The following ADD3 variants were observed in gnomAD, a reference collection of about 807,000 sequenced individuals.
The protein encoded by ADD3 is adducin 3, also known as gamma-adducin.
In ADD3, 25 loss-of-function variants were observed where a neutral mutation model predicts 80.2. That is an observed-to-expected ratio of 0.31 (90% CI 0.23 to 0.44). ADD3 has a LOEUF of 0.44. Ranked by LOEUF, ADD3 falls within the 20% of genes least tolerant of loss-of-function variation. The pLI is 1.00. For missense variants in ADD3, 829 were observed against 847.5 expected, an observed-to-expected ratio of 0.98 and a Z score of 0.27; for synonymous variants, 284 against 289.6, an observed-to-expected ratio of 0.98 and a Z score of 0.20.
At chr10:110,103,454 G>A (rs1471370972) in intron 2 of ADD3, among the ~76,000 whole-genome samples, 1 of 152,184 alleles carries the variant, frequency 6.6e-6, no homozygotes, top group African/African-American at 2.4e-5. Flanking sequence ...CACTCACATG[G>A]CTGTTGGCAA....
chr10:110,114,346 CAAAATT>C (rs950848339), intron 3 of ADD3, among the ~76,000 whole-genome samples: 4 of 152,214 alleles, frequency 2.6e-5, no homozygotes, highest in African/African-American at 7.2e-5. Flanking sequence ...CAAAACATCT[CAAAATT>C]AAAAGGTTTT....
intron 1 of ADD3, among the ~76,000 whole-genome samples, chr10:110,079,595 A>G (rs3932612): frequency 0.6 from 90,429 of 150,880 alleles, 30,537 homozygotes; most frequent in African/African-American, 0.89. Context: ...TTACTCTGTC[A>G]CCTAGGTTGG....
At chr10:110,028,669 G>A (rs985267863) in intron 1 of ADD3, among the ~76,000 whole-genome samples, 1 of 152,158 alleles carries the variant, frequency 6.6e-6, no homozygotes, top group Non-Finnish European at 1.5e-5. Flanking sequence ...TTTTAATTCA[G>A]TACTTTTATC....
At chr10:110,057,723 C>T (rs369441528) in intron 1 of ADD3, among the ~76,000 whole-genome samples, 6 of 151,970 alleles carry the variant, frequency 3.9e-5, no homozygotes, top group East Asian at 3.8e-4. Flanking sequence ...CCACTGAGAC[C>T]CCAGCATGTA....
In ADD3 at chr10:110,075,959, T is replaced by C. The variant is rs556847520; in HGVS notation, c.-29-24666T>C. Among the ~76,000 whole-genome samples, 328 of 152,314 alleles carry C rather than the reference T, an allele frequency of 2.2e-3. 2 individuals carry two copies. Among genetic ancestry groups the C allele is most frequent in the Non-Finnish European group, 3.6e-3 (244 of 68,028 alleles). ...TAGGCCATCTCTCAAAATATTGAAA[T>C]GTTCAATACTCCAGACTGAATTATT... is the stretch of plus-strand genomic sequence containing the variant. On this transcript the variant is annotated intron_variant, in intron 1 of 14. Transcript: ENST00000356080.
At chr10:110,066,522 C>A (rs915728773) in intron 1 of ADD3, among the ~76,000 whole-genome samples, 1 of 152,106 alleles carries the variant, frequency 6.6e-6, no homozygotes, top group South Asian at 2.1e-4. Flanking sequence ...TGTGAGCCAC[C>A]GTGCCTGGCC....
At chr10:110,048,168 C>G (rs1480176074) in intron 1 of ADD3, among the ~76,000 whole-genome samples, 2 of 152,194 alleles carry the variant, frequency 1.3e-5, no homozygotes, top group Non-Finnish European at 2.9e-5. Flanking sequence ...TGATCATTCT[C>G]TCTTGTCTGC....
At chr10:110,008,891 A>G (rs1053440854) in intron 1 of ADD3, among the ~76,000 whole-genome samples, 6 of 152,168 alleles carry the variant, frequency 3.9e-5, no homozygotes, top group Non-Finnish European at 4.4e-5. Context: ...AAACGTATAC[A>G]TGTTAGGTTG....
At position 109,998,837 on chromosome 10, in the gene ADD3, C is replaced by T. The variant is rs371434440; in HGVS notation, n.79+2391C>T. On this transcript the variant is annotated intron_variant and non_coding_transcript_variant, in intron 1 of 5. Transcript: ENST00000468251. The stretch of plus-strand genomic sequence containing the variant: ...TTCATCCATCCTAACTAAAGCAGTA[C>T]CCCTCCCCCACCCTAGTCATTGTCA... Among the ~76,000 whole-genome samples the T allele has an allele frequency of 9.3e-4, 142 of 152,170 alleles. 3 individuals are homozygous for T. The South Asian group carries it at 0.025, about 27-fold the overall frequency.
intron 1 of ADD3, among the ~76,000 whole-genome samples, chr10:110,070,644 A>G (rs1013948338): frequency 6.6e-6 from 1 of 152,174 alleles, no homozygotes; most frequent in Admixed American, 6.5e-5. Flanking sequence ...ACCTTCTATC[A>G]TGCCACTGAG....
At chr10:109,997,080 C>G (rs1851394974) in intron 1 of ADD3, among the ~76,000 whole-genome samples, 3 of 152,176 alleles carry the variant, frequency 2.0e-5, no homozygotes, top group Admixed American at 2.0e-4. Context: ...AAGAATAAGG[C>G]ACAGAGCTCA....
chr10:110,050,102 C>G lies in ADD3; in HGVS notation c.-30+41803C>G, dbSNP rs374098304. ...GTCTTGTCTCAGAAGAGACTTTGGA[C>G]TGTGGACTTTGAGTTAATGCTGAAA... is the stretch of plus-strand genomic sequence containing the variant. On this transcript the variant is annotated intron_variant, in intron 1 of 14. Coordinates refer to ENST00000356080, the MANE Select transcript of ADD3 (RefSeq NM_016824.5). Among the ~76,000 whole-genome samples, 14 of 152,196 alleles carry G rather than the reference C, an allele frequency of 9.2e-5. No homozygotes were observed. In the South Asian group the frequency reaches 2.1e-3, roughly 23 times the overall value.
chr10:110,063,864 C>T (rs1405062312), intron 1 of ADD3, among the ~76,000 whole-genome samples: 1 of 147,750 alleles, frequency 6.8e-6, no homozygotes, highest in Non-Finnish European at 1.5e-5. Flanking sequence ...AGGCATTTCT[C>T]CTCTCTCTGC....
chr10:110,062,407 T>TC (rs1278917719), intron 1 of ADD3, among the ~76,000 whole-genome samples: 1 of 126,552 alleles, frequency 7.9e-6, no homozygotes, highest in East Asian at 2.1e-4. Context: ...AGAGTGAAAC[T>TC]CCATCTCAAA....
intron 11 of ADD3, 91 bp from the exon 12 acceptor site, chr10:110,126,326 G>A: frequency 1.0e-6 from 1 of 962,042 alleles, no homozygotes; most frequent in South Asian, 1.4e-5. Flanking sequence ...CTCTGGAAAT[G>A]TCAAGTAGTA....
chr10:110,132,904 G>A (rs540400650), intron 14 of ADD3, among the ~76,000 whole-genome samples: 43 of 128,948 alleles, frequency 3.3e-4, no homozygotes, highest in African/African-American at 1.1e-3. Context: ...CGGCCTGGGC[G>A]ACAGAGTGAG....
intron 1 of ADD3, among the ~76,000 whole-genome samples, chr10:110,053,020 A>C (rs1044373568): frequency 2.0e-5 from 3 of 152,240 alleles, no homozygotes; most frequent in Admixed American, 6.5e-5. Context: ...ACAAACAAAC[A>C]AACACATGGG....
At chr10:110,130,598 G>C (rs1225343221) in intron 13 of ADD3, 112 bp downstream of exon 13, 7 of 1,214,304 alleles carry the variant, frequency 5.8e-6, no homozygotes, top group Non-Finnish European at 6.9e-6. Flanking sequence ...GCTCACACCT[G>C]TAATCCCAGC....
At chr10:110,011,334 T>C (rs1429891720) in intron 1 of ADD3, among the ~76,000 whole-genome samples, 1 of 152,242 alleles carries the variant, frequency 6.6e-6, no homozygotes, top group Non-Finnish European at 1.5e-5. Flanking sequence ...TTCACATTCC[T>C]CAAGGAACTG....
Sources: allele counts gnomAD v4.1 joint callset (sites outside exome capture counted in the v4.1 genomes callset), GRCh38; gene constraint gnomAD v4.1.1; transcripts MANE v1.5; gene names NCBI Gene and HGNC (gene_info 2026-07-23, HGNC 2026-07-21).